Variants in TREH observed in about 807,000 individuals in gnomAD.
The protein encoded by TREH is alpha,alpha-trehalose glucohydrolase.
A neutral mutation model predicts 80.5 loss-of-function variants in TREH; 69 were observed. That is an observed-to-expected ratio of 0.86 (90% CI 0.71 to 1.05). The LOEUF (loss-of-function observed/expected upper bound fraction) is 1.05. Among genes scored for constraint, TREH ranks in the 50% least tolerant of loss-of-function variants. The probability of loss-of-function intolerance (pLI) is 0.00; values close to 1 mark genes in which losing one functional copy is unlikely to be tolerated. For missense variants in TREH, 716 were observed against 718.8 expected, an observed-to-expected ratio of 1.00 and a Z score of 0.04; for synonymous variants, 309 against 293.5, an observed-to-expected ratio of 1.05 and a Z score of -0.54.
At chr11:118,667,894 TCA>T (rs1336869761) in intron 1 of TREH, among the ~76,000 whole-genome samples, 1 of 152,126 alleles carries the variant, frequency 6.6e-6, no homozygotes, top group Non-Finnish European at 1.5e-5. Flanking sequence ...AGACTGAGTC[TCA>T]TTCTGTCGCC....
In TREH at chr11:118,659,818, T is replaced by C; in HGVS notation, c.1249A>G (p.Asn417Asp). ...CACCCGGCCCAGAGTGGAGTGAGGT[T>C]GGATGGGTAAAACTCCCGGTTTTTC... ...KKKNREFYPS[N>D]LTPLWAGCFS... The change falls in exon 11 of 15, where the codon AAC becomes GAC. Residue 417 changes from asparagine to aspartate, a missense_variant. By Grantham distance (23) the Asn-to-Asp change is conservative. Coordinates refer to ENST00000264029, the MANE Select transcript of TREH (RefSeq NM_007180.3). 3 of 1,576,470 alleles carry C rather than the reference T, an allele frequency of 1.9e-6. No individual in the cohort carries two copies. The highest frequency in any genetic ancestry group is 2.6e-6 in the Non-Finnish European group (3 of 1,160,352).
At chr11:118,662,585 A>T in intron 4 of TREH, 1 of 431,728 alleles carries the variant, frequency 2.3e-6, no homozygotes, top group South Asian at 2.6e-5. Context: ...GGCAGTGAAC[A>T]TCTACCCAGT....
At chr11:118,668,347 A>G (rs1205828206) in intron 1 of TREH, among the ~76,000 whole-genome samples, 1 of 151,964 alleles carries the variant, frequency 6.6e-6, no homozygotes, top group East Asian at 1.9e-4. Context: ...TGATGCAAAA[A>G]TCCTCAACAA....
chr11:118,660,699 A>G lies in TREH; in HGVS notation c.942T>C (p.Ala314=), dbSNP rs782570378. 8.8e-6 allele frequency: 14 copies of G among 1,598,394 alleles called. No homozygotes were observed. Among genetic ancestry groups the G allele is most frequent in the Non-Finnish European group, 1.0e-5 (12 of 1,172,510 alleles). Residue 314 remains alanine, a synonymous_variant, in exon 10 of 15, where the codon GCT becomes GCC. Coordinates refer to ENST00000264029, the MANE Select transcript of TREH (RefSeq NM_007180.3). ...AGAAGTCCCAGCCAGACTCAGCCCC[A>G]GCCTTGAGCTCAGCCCACAGAGCCT... ...DREALWAELK[A]GAESGWDFSS... is the part of the protein sequence containing the mutation.
chr11:118,678,165 T>G (rs1188015478), intron 1 of TREH, among the ~76,000 whole-genome samples: 1 of 152,148 alleles, frequency 6.6e-6, no homozygotes, highest in Non-Finnish European at 1.5e-5. Context: ...GGCCTCTGCA[T>G]GGCCCTTTCC....
intron 1 of TREH, among the ~76,000 whole-genome samples, chr11:118,669,348 A>G (rs1949410061): frequency 6.6e-6 from 1 of 152,248 alleles, no homozygotes; most frequent in South Asian, 2.1e-4. Context: ...TGCTAGATAT[A>G]TGACCAAAAG....
intron 1 of TREH, among the ~76,000 whole-genome samples, chr11:118,670,082 T>C (rs182894292): frequency 1.2e-4 from 19 of 152,338 alleles, no homozygotes; most frequent in Admixed American, 1.0e-3. Flanking sequence ...ATGTAAGGTA[T>C]TACTTTTTAT....
In TREH at chr11:118,661,466, G is replaced by A. The variant is rs782204994; in HGVS notation, c.661C>T (p.Arg221Trp). Residue 221 changes from arginine to tryptophan, a missense_variant, in exon 7 of 15, where the codon CGG becomes TGG. Transcript: ENST00000264029. This position sits in a 1 kb window ranked among gnomAD's most constrained non-coding sequence, Gnocchi z 4.2. ...PNGGRVYYLQRSQPPLLTLMM... is the reference protein window; with the variant it reads ...PNGGRVYYLQWSQPPLLTLMM... ...AGGGTCAAGAGTGGGGGCTGGCTCCGCTGCAGGTAGTACACGCGCCCACCA... is the reference window on the plus strand; with the variant it reads ...AGGGTCAAGAGTGGGGGCTGGCTCCACTGCAGGTAGTACACGCGCCCACCA... 1.2e-5 allele frequency: 19 copies of A among 1,613,638 alleles called. No homozygotes were observed. The highest frequency in any genetic ancestry group is 2.2e-5 in the South Asian group (2 of 91,064).
At position 118,663,421 on chromosome 11, in the gene TREH, C is replaced by A; in HGVS notation, c.108G>T (p.Gly36=). The A allele has an allele frequency of 6.3e-7, 1 of 1,587,160 alleles. No homozygotes were observed. Among genetic ancestry groups the A allele is most frequent in the Non-Finnish European group, 8.6e-7 (1 of 1,166,446 alleles). The part of the protein sequence containing the change: ...PPCESEIYCH[G]ELLNQVQMAK... ...CCATTTGAACTTGGTTTAGGAGCTC[C>A]CCGTGGCAGTAAATCTCACTGCAGA... is the stretch of plus-strand genomic sequence containing the variant. Residue 36 remains glycine, a synonymous_variant, in exon 2 of 15, where the codon GGG becomes GGT. Transcript: ENST00000264029.
Position 118,667,870 on chromosome 11 carries a change from A to AT in TREH, c.90-4432dup, listed in dbSNP as rs551770757. The stretch of plus-strand genomic sequence containing the variant: ...CCTTAAAGTCTTTTATCCCTAACAA[A>AT]TTTTTTTTTTTTGAGACTGAGTCTC... On this transcript the variant is annotated intron_variant, in intron 1 of 14. Coordinates refer to ENST00000264029, the MANE Select transcript of TREH (RefSeq NM_007180.3). Among the ~76,000 whole-genome samples, 492 of 147,386 alleles carry AT rather than the reference A, an allele frequency of 3.3e-3. 11 individuals are homozygous for AT. The East Asian group carries it at 0.046, about 14-fold the overall frequency.
intron 2 of TREH, 33 bp downstream of exon 2, chr11:118,663,306 T>C (rs1555145355): frequency 6.4e-7 from 1 of 1,566,240 alleles, no homozygotes; most frequent in Non-Finnish European, 8.7e-7. Context: ...GAGAAGGTTC[T>C]CTGGAGAGGA....
intron 1 of TREH, among the ~76,000 whole-genome samples, chr11:118,666,864 A>G (rs562726817): frequency 6.6e-6 from 1 of 152,170 alleles, no homozygotes; most frequent in South Asian, 2.1e-4. Context: ...AATAGAAAAA[A>G]GTTTTATTTT....
At chr11:118,664,322 G>GCA (rs1555145484) in intron 1 of TREH, among the ~76,000 whole-genome samples, 14 of 152,242 alleles carry the variant, frequency 9.2e-5, no homozygotes, top group African/African-American at 3.4e-4. Context: ...AATCACCTCA[G>GCA]TGGACTGAAT....
chr11:118,670,432 G>T (rs1555146147), intron 1 of TREH, among the ~76,000 whole-genome samples: 1 of 152,186 alleles, frequency 6.6e-6, no homozygotes, highest in Admixed American at 6.5e-5. Flanking sequence ...CTGAGCAACT[G>T]CATTTGGGAT....
chr11:118,661,725 A>T lies in TREH; in HGVS notation c.529T>A (p.Ser177Thr). ...AGCAGACCCTCCATGACCCAGTAGG[A>T]GTCCCTGGGGAAGGGGCAGCTTAGG... Reference protein sequence around the residue: ...GRFVEFYYWDSYWVMEGLLLS... With the variant: ...GRFVEFYYWDTYWVMEGLLLS... Residue 177 changes from serine (S) to threonine (T), a missense_variant, in exon 6 of 15, where the codon TCC (serine) becomes ACC (threonine). Coordinates refer to ENST00000264029, the MANE Select transcript of TREH (RefSeq NM_007180.3). This position sits in a 1 kb window ranked among gnomAD's most constrained non-coding sequence, Gnocchi z 4.2. 6.2e-7 allele frequency: 1 copy of T among 1,613,836 alleles called. No individual in the cohort carries two copies. The highest frequency in any genetic ancestry group is 2.2e-5 in the East Asian group (1 of 44,880).
chr11:118,661,678 C>A lies in TREH; in HGVS notation c.576G>T (p.Thr192=). The A allele has an allele frequency of 6.2e-7, 1 of 1,613,992 alleles. No homozygotes were observed. Among genetic ancestry groups the A allele is most frequent in the Non-Finnish European group, 8.5e-7 (1 of 1,179,898 alleles). The change falls in exon 6 of 15, where the codon ACG becomes ACT. Residue 192 remains threonine (T), a synonymous_variant. Transcript: ENST00000264029. This position sits in a 1 kb window ranked among gnomAD's most constrained non-coding sequence, Gnocchi z 4.2. ...AGAAGTTCTGCAGCATGCCCTTCAC[C>A]GTCTCAGCCATCTCTGAGAGGAGCA... ...EGLLLSEMAE[T]VKGMLQNFLD...
At position 118,657,353 on chromosome 11, in the gene TREH, A is replaced by C. The variant is rs2137229323; in HGVS notation, c.*936T>G. 6.5e-6 allele frequency: 1 copy of C among 154,284 alleles called. No homozygotes were observed. Among genetic ancestry groups the C allele is most frequent in the East Asian group, 1.9e-4 (1 of 5,202 alleles). 9.6% of individuals were successfully genotyped at this position (154,284 alleles called of 1,614,324 possible). On this transcript the variant is annotated 3_prime_UTR_variant, in exon 15 of 15. Coordinates refer to ENST00000264029, the MANE Select transcript of TREH (RefSeq NM_007180.3). ...TCCCAGCTCCATCCCCTAGTTGCAG[A>C]CTCATCACCATGGTTACCATAGTGA...
intron 1 of TREH, among the ~76,000 whole-genome samples, chr11:118,676,802 A>G (rs1223044206): frequency 6.6e-6 from 1 of 151,966 alleles, no homozygotes; most frequent in Non-Finnish European, 1.5e-5. Context: ...ACAACAACAA[A>G]AAAACACTAA....
intron 10 of TREH, 51 bp from the exon 11 acceptor site, chr11:118,660,015 C>T (rs1949301130): frequency 1.3e-6 from 2 of 1,509,108 alleles, no homozygotes; most frequent in Non-Finnish European, 1.8e-6. Flanking sequence ...GCCTGCTGCC[C>T]CAGGCTTTTT....
Sources: gnomAD v4.1 joint callset for allele counts (sites outside exome capture counted in the v4.1 genomes callset) on GRCh38, gnomAD v4.1.1 for gene constraint, Gnocchi (gnomAD v3.1) non-coding constraint, MANE v1.5 for transcripts, NCBI Gene and HGNC (gene_info 2026-07-23, HGNC 2026-07-21) for gene names.